The following SYT9 variants were observed in gnomAD, a reference collection of about 807,000 sequenced individuals.
SYT9 encodes the protein synaptotagmin-9.
Under a neutral mutation model 48.4 loss-of-function variants are expected in SYT9, and 22 were observed. The ratio of observed to expected loss-of-function variants is 0.45; its 90% CI spans 0.32 to 0.65. SYT9 has a LOEUF of 0.65. Ranked by LOEUF, SYT9 falls within the 30% of genes least tolerant of loss-of-function variation. SYT9 has a pLI of 0.03. For synonymous variants in SYT9, 265 were observed against 245.0 expected (o/e 1.08, Z -0.76); for missense variants, 577 against 622.0 (o/e 0.93, Z 0.77).
upstream of SYT9, among the ~76,000 whole-genome samples, chr11:7,251,502 C>T (rs1393149755): frequency 2.0e-5 from 3 of 152,186 alleles, no homozygotes; most frequent in Non-Finnish European, 2.9e-5. Context: ...ATCTGACACC[C>T]ATAGGCCCAT....
intron 1 of SYT9, among the ~76,000 whole-genome samples, chr11:7,289,814 A>C (rs758668543): frequency 7.9e-5 from 12 of 152,238 alleles, no homozygotes; most frequent in Non-Finnish European, 1.3e-4. Context: ...TAATCACTCT[A>C]ATGAGTAAAT....
At chr11:7,369,954 G>C (rs1478250287) in intron 3 of SYT9, among the ~76,000 whole-genome samples, 1 of 151,946 alleles carries the variant, frequency 6.6e-6, no homozygotes, top group Non-Finnish European at 1.5e-5. Flanking sequence ...GGTTACATGA[G>C]TAAGTTGTTT....
chr11:7,374,119 T>G (rs1850411770), intron 3 of SYT9, among the ~76,000 whole-genome samples: 1 of 152,100 alleles, frequency 6.6e-6, no homozygotes, highest in Admixed American at 6.5e-5. Flanking sequence ...CCCCTCCCTG[T>G]GCCCATATGT....
At chr11:7,404,479 T>C (rs1846963229) in intron 3 of SYT9, among the ~76,000 whole-genome samples, 1 of 152,206 alleles carries the variant, frequency 6.6e-6, no homozygotes, top group Admixed American at 6.5e-5. Context: ...TGTTTTATTT[T>C]AGCCAATTCT....
chr11:7,307,975 A>G (rs971583481), intron 2 of SYT9, among the ~76,000 whole-genome samples: 1 of 152,230 alleles, frequency 6.6e-6, no homozygotes, highest in Non-Finnish European at 1.5e-5. Context: ...TCTCGTCATT[A>G]TCTCACTTAT....
At chr11:7,255,381 A>G (rs576317564) in intron 1 of SYT9, among the ~76,000 whole-genome samples, 109 of 151,760 alleles carry the variant, frequency 7.2e-4, no homozygotes, top group African/African-American at 2.6e-3. Context: ...CTTGTAAACC[A>G]TTATAAAGAC....
intron 5 of SYT9, among the ~76,000 whole-genome samples, chr11:7,419,560 A>G (rs1232033720): frequency 6.6e-6 from 1 of 152,196 alleles, no homozygotes; most frequent in Non-Finnish European, 1.5e-5. Context: ...TAGAGAAAAC[A>G]AAAATGTCTC....
intron 3 of SYT9, among the ~76,000 whole-genome samples, chr11:7,315,069 G>A (rs1368115945): frequency 6.6e-6 from 1 of 152,212 alleles, no homozygotes; most frequent in Non-Finnish European, 1.5e-5. Flanking sequence ...TGCCAACTTT[G>A]TGCTGCTATC....
upstream of SYT9, among the ~76,000 whole-genome samples, chr11:7,247,586 T>TACGTGTATATACACGTATACATATATAC (rs1298197381): frequency 1.2e-4 from 17 of 147,388 alleles, no homozygotes; most frequent in African/African-American, 4.2e-4. Context: ...TACATATATA[T>TACGTGTATATACACGTATACATATATAC]GTGTATATAT....
At chr11:7,358,367 T>C (rs1372750923) in intron 3 of SYT9, among the ~76,000 whole-genome samples, 1 of 152,174 alleles carries the variant, frequency 6.6e-6, no homozygotes, top group Non-Finnish European at 1.5e-5. Context: ...GTTATTAAAT[T>C]AGTTTGCAGA....
At position 7,368,388 on chromosome 11, in the gene SYT9, G is replaced by A. The variant is rs555410317; in HGVS notation, c.1045-47654G>A. ...TTTTACTTTAAGTTCTGGGATACAT[G>A]TGCAGAATGTGCAGGTCTGTTACTT... On this transcript the variant is annotated intron_variant, in intron 3 of 6. Transcript: ENST00000318881. 9.9e-5 allele frequency among the ~76,000 whole-genome samples: 15 copies of A among 152,276 alleles called. No individual in the cohort carries two copies. The South Asian group carries it at 2.7e-3, about 27-fold the overall frequency.
At chr11:7,369,777 C>A (rs927214773) in intron 3 of SYT9, among the ~76,000 whole-genome samples, 2 of 124,072 alleles carry the variant, frequency 1.6e-5, no homozygotes, top group Non-Finnish European at 3.3e-5. Context: ...TACATACACA[C>A]CACACACACA....
At chr11:7,290,808 TG>T (rs1443263171) in intron 1 of SYT9, among the ~76,000 whole-genome samples, 2 of 152,206 alleles carry the variant, frequency 1.3e-5, no homozygotes, top group Admixed American at 6.5e-5. Context: ...CATCTCATTT[TG>T]TATGTTAGGA....
intron 6 of SYT9, among the ~76,000 whole-genome samples, chr11:7,436,532 A>G (rs1167696649): frequency 1.3e-5 from 2 of 152,250 alleles, no homozygotes; most frequent in Admixed American, 6.5e-5. Flanking sequence ...ATGCATGTAT[A>G]TGTACAAATG....
chr11:7,285,547 C>T (rs566391994), intron 1 of SYT9, among the ~76,000 whole-genome samples: 12 of 152,240 alleles, frequency 7.9e-5, no homozygotes, highest in South Asian at 2.1e-4. Flanking sequence ...TCATTCCAAC[C>T]CTGGCCCCTC....
At chr11:7,242,712 T>TG (rs1847751735) in intron 1 of SYT9, among the ~76,000 whole-genome samples, 2 of 151,410 alleles carry the variant, frequency 1.3e-5, no homozygotes, top group African/African-American at 4.9e-5. Flanking sequence ...AGATTAGAGG[T>TG]GGGAAAAAAA....
At chr11:7,418,226 C>A in intron 5 of SYT9, 98 bp downstream of exon 5, 1 of 1,360,374 alleles carries the variant, frequency 7.4e-7, no homozygotes. Flanking sequence ...CCTGGTGTCC[C>A]AGGCTGCAGG....
At chr11:7,464,758 C>T (rs542222584) in intron 6 of SYT9, among the ~76,000 whole-genome samples, 16 of 152,134 alleles carry the variant, frequency 1.1e-4, no homozygotes, top group African/African-American at 2.2e-4. Flanking sequence ...TAGGGAACCA[C>T]GGGCCTGATG....
intron 3 of SYT9, among the ~76,000 whole-genome samples, chr11:7,334,163 C>T (rs1019876276): frequency 6.6e-6 from 1 of 151,852 alleles, no homozygotes; most frequent in Non-Finnish European, 1.5e-5. Flanking sequence ...GTTCAGGGGA[C>T]AAAAAGTGCA....
Sources: allele counts gnomAD v4.1 joint callset (sites outside exome capture counted in the v4.1 genomes callset), GRCh38; gene constraint gnomAD v4.1.1; transcripts MANE v1.5; gene names NCBI Gene and HGNC (gene_info 2026-07-23, HGNC 2026-07-21).